RBM17: variants seen among roughly 807,000 people sequenced by gnomAD.
The protein encoded by RBM17 is splicing factor 45.
A neutral mutation model predicts 53.2 loss-of-function variants in RBM17; 7 were observed. The ratio of observed to expected loss-of-function variants is 0.13; its 90% CI spans 0.07 to 0.25. RBM17 has a LOEUF of 0.25. RBM17 is among the 10% of genes least tolerant of loss of function. The probability of loss-of-function intolerance (pLI) is 1.00; values close to 1 mark genes in which losing one functional copy is unlikely to be tolerated. For synonymous variants in RBM17, 167 were observed against 178.1 expected (o/e 0.94, Z 0.50); for missense variants, 257 against 496.7 (o/e 0.52, Z 4.59).
chr10:6,104,159 G>T (rs940239669), intron 3 of RBM17, among the ~76,000 whole-genome samples: 2 of 150,474 alleles, frequency 1.3e-5, no homozygotes, highest in African/African-American at 4.9e-5. Flanking sequence ...TGCCAGCCTA[G>T]GGTAAAGTTC....
intron 1 of RBM17, 138 bp from the exon 2 acceptor site, chr10:6,096,910 A>G: frequency 1.6e-6 from 1 of 629,518 alleles, no homozygotes; most frequent in South Asian, 2.0e-5. Flanking sequence ...GCCCTACATT[A>G]ATGGTACCAG....
At chr10:6,107,236 G>A (rs1291780426) in intron 5 of RBM17, among the ~76,000 whole-genome samples, 1 of 152,184 alleles carries the variant, frequency 6.6e-6, no homozygotes, top group Non-Finnish European at 1.5e-5. Context: ...GAGTGCAGTG[G>A]TGCAATCTCG....
At chr10:6,107,846 G>T (rs529329840) in intron 5 of RBM17, among the ~76,000 whole-genome samples, 1 of 152,090 alleles carries the variant, frequency 6.6e-6, no homozygotes, top group South Asian at 2.1e-4. Flanking sequence ...AATTTTTAAA[G>T]TTTTACATTT....
intron 1 of RBM17, among the ~76,000 whole-genome samples, chr10:6,091,023 A>G (rs11256671): frequency 8.1e-6 from 1 of 123,098 alleles, no homozygotes; most frequent in African/African-American, 3.1e-5. Flanking sequence ...TTATATATTT[A>G]TATATATTTA....
At position 6,116,445 on chromosome 10, in the gene RBM17, G is replaced by A. The variant is rs573541061; in HGVS notation, c.*889G>A. On this transcript the variant is annotated 3_prime_UTR_variant, in exon 12 of 12. Coordinates refer to ENST00000379888, the MANE Select transcript of RBM17 (RefSeq NM_032905.5). ...CCACGTTGGCCAAGTAAACTGTACT[G>A]CCAATAGAATTCTGGAATTGTGAGA... is the stretch of plus-strand genomic sequence containing the variant. The A allele has an allele frequency of 6.6e-6, 1 of 152,462 alleles. No individual in the cohort carries two copies. The highest frequency in any genetic ancestry group is 2.1e-4 in the South Asian group (1 of 4,824). 9.4% of individuals were successfully genotyped at this position (152,462 alleles called of 1,614,324 possible).
chr10:6,102,483 G>T (rs1476071097), intron 3 of RBM17, among the ~76,000 whole-genome samples: 1 of 152,208 alleles, frequency 6.6e-6, no homozygotes, highest in Non-Finnish European at 1.5e-5. Context: ...GCACCACATG[G>T]TGGAGGTGTT....
chr10:6,104,907 T>TA (rs1169127242), intron 3 of RBM17, 24 bp from the exon 4 acceptor site: 1 of 1,607,674 alleles, frequency 6.2e-7, no homozygotes, highest in Non-Finnish European at 8.5e-7. Context: ...AGAGGATTCT[T>TA]ACTGCTGTTT....
intron 2 of RBM17, among the ~76,000 whole-genome samples, chr10:6,099,017 ATT>A (rs950613403): frequency 6.6e-6 from 1 of 151,918 alleles, no homozygotes; most frequent in African/African-American, 2.4e-5. Context: ...GGATGCCAGT[ATT>A]TTGTGTTTTT....
intron 1 of RBM17, among the ~76,000 whole-genome samples, chr10:6,095,212 C>G (rs1840554794): frequency 6.6e-6 from 1 of 151,802 alleles, no homozygotes; most frequent in South Asian, 2.1e-4. Flanking sequence ...TCCCTTCATT[C>G]TTTTCTTTTC....
Position 6,089,929 on chromosome 10 carries a change from CCTCTCTTGAG to C in RBM17, c.-19+737_-19+746del, listed in dbSNP as rs1341971458. On this transcript the variant is annotated intron_variant, in intron 1 of 11. Transcript: ENST00000379888. The surrounding 1 kb of genome is among the most constrained non-coding windows in gnomAD (Gnocchi z 5.6). ...GAAACGCAAGTGGGGTCTGGAAGGACCTCTCTTGAGAGAGGAGGTCATGCTTATGTTGAGT... is the reference window on the plus strand; with the variant it reads ...GAAACGCAAGTGGGGTCTGGAAGGACAGAGGAGGTCATGCTTATGTTGAGT... The C allele has an allele frequency of 1.3e-5, 2 of 152,244 alleles. No homozygotes were observed. The highest frequency in any genetic ancestry group is 3.8e-4 in the East Asian group (2 of 5,222). The allele number at this position is 152,244 out of a possible 1,614,324, so 9.4% of individuals were successfully genotyped here.
intron 6 of RBM17, 27 bp from the exon 7 acceptor site, chr10:6,109,959 T>G: frequency 6.3e-7 from 1 of 1,579,300 alleles, no homozygotes. Context: ...AGTATTTTGG[T>G]GAGCCTACTT....
rs772529966 is a variant in RBM17 at position 6,114,165 on chromosome 10, T to C, written c.1029+18T>C. ...TATTTGAAGTAAGAGTGTTTTCTTTTGATGTTTATAACACAAGTTGTAATT... is the reference window on the plus strand; with the variant it reads ...TATTTGAAGTAAGAGTGTTTTCTTTCGATGTTTATAACACAAGTTGTAATT... On this transcript the variant is annotated intron_variant, in intron 10 of 11. Coordinates refer to ENST00000379888, the MANE Select transcript of RBM17 (RefSeq NM_032905.5). 2 of 1,439,870 alleles carry C rather than the reference T, an allele frequency of 1.4e-6. No homozygotes were observed. Among genetic ancestry groups the C allele is most frequent in the Non-Finnish European group, 2.0e-6 (2 of 1,024,636 alleles). The allele number at this position is 1,439,870 out of a possible 1,614,324, so 89.2% of individuals were successfully genotyped here. A position where few individuals can be genotyped will look rare whatever the true frequency, so the allele number is the denominator to read the frequency against.
At chr10:6,115,154 C>A (rs1310514121) in intron 10 of RBM17, 85 bp from the exon 11 acceptor site, 1 of 995,970 alleles carries the variant, frequency 1.0e-6, no homozygotes, top group South Asian at 1.5e-5. Flanking sequence ...ATTAGAATAT[C>A]CACTCTGAGA....
intron 3 of RBM17, among the ~76,000 whole-genome samples, chr10:6,103,883 A>G (rs1362911896): frequency 2.6e-5 from 4 of 152,156 alleles, no homozygotes; most frequent in African/African-American, 9.7e-5. Context: ...CTTGCCTTTG[A>G]TACAGTTGGA....
chr10:6,096,940 T>C (rs1008762747), intron 1 of RBM17, 108 bp from the exon 2 acceptor site: 3 of 969,168 alleles, frequency 3.1e-6, no homozygotes, highest in Non-Finnish European at 4.6e-6. Flanking sequence ...CCTCTGTTGC[T>C]GAAAGGTCCT....
chr10:6,098,020 G>T (rs190778201), intron 2 of RBM17, among the ~76,000 whole-genome samples: 9 of 149,296 alleles, frequency 6.0e-5, no homozygotes, highest in Admixed American at 3.4e-4. Context: ...TGTTTCTGTT[G>T]TGTACATGTT....
rs1398681644 is a variant in RBM17 at position 6,110,690 on chromosome 10, CTT to C, written c.704+565_704+566del. 4.6e-5 allele frequency among the ~76,000 whole-genome samples: 7 copies of C among 152,218 alleles called. No individual in the cohort carries two copies. The East Asian group carries it at 1.3e-3, about 29-fold the overall frequency. On this transcript the variant is annotated intron_variant, in intron 7 of 11. Transcript: ENST00000379888. ...TTAAGAGGATATTCTGTGTTGTTGA[CTT>C]TGATCCTGTGAGACGGCTGTCCCAT... is the stretch of plus-strand genomic sequence containing the variant.
intron 5 of RBM17, chr10:6,106,511 C>G (rs1016636218): frequency 1.8e-4 from 57 of 315,792 alleles, no homozygotes; most frequent in African/African-American, 1.1e-3. Context: ...CTGTCTTTAC[C>G]TGCAGCACAG....
At chr10:6,107,500 T>TTTTTTTTTTTTG (rs1554835490) in intron 5 of RBM17, among the ~76,000 whole-genome samples, 1 of 131,926 alleles carries the variant, frequency 7.6e-6, no homozygotes, top group Non-Finnish European at 1.6e-5. Flanking sequence ...TTTTTTTTTT[T>TTTTTTTTTTTTG]GGAGACACTC....
Sources: gnomAD v4.1 joint callset for allele counts (sites outside exome capture counted in the v4.1 genomes callset) on GRCh38, gnomAD v4.1.1 for gene constraint, Gnocchi (gnomAD v3.1) non-coding constraint, MANE v1.5 for transcripts, NCBI Gene and HGNC (gene_info 2026-07-23, HGNC 2026-07-21) for gene names.